The following EVI5 variants were observed in gnomAD, a reference collection of about 807,000 sequenced individuals.
EVI5 encodes the protein ecotropic viral integration site 5.
Under a neutral mutation model 112.0 loss-of-function variants are expected in EVI5, and 73 were observed. The observed-to-expected ratio is 0.65, with a 90% CI of 0.54 to 0.79. The LOEUF (loss-of-function observed/expected upper bound fraction) is 0.79. Among genes scored for constraint, EVI5 ranks in the 30% least tolerant of loss-of-function variants. The probability of loss-of-function intolerance (pLI) is 0.00; values close to 1 mark genes in which losing one functional copy is unlikely to be tolerated. For missense variants in EVI5, 900 were observed against 968.8 expected (o/e 0.93, Z 0.94); for synonymous variants, 305 against 319.9 (o/e 0.95, Z 0.50).
At chr1:92,634,029 A>C (rs1308397787) in intron 14 of EVI5, among the ~76,000 whole-genome samples, 1 of 152,022 alleles carries the variant, frequency 6.6e-6, no homozygotes, top group African/African-American at 2.4e-5. Context: ...TCTGGCTTGT[A>C]GTTTCTGCTG....
chr1:92,643,485 C>T (rs150227527), intron 13 of EVI5, among the ~76,000 whole-genome samples: 4 of 151,682 alleles, frequency 2.6e-5, no homozygotes, highest in Admixed American at 6.6e-5. Flanking sequence ...CCTGCTGTGT[C>T]GCTGGTCTTG....
chr1:92,523,824 G>A (rs1280398245), intron 19 of EVI5, among the ~76,000 whole-genome samples: 4 of 152,044 alleles, frequency 2.6e-5, no homozygotes, highest in South Asian at 2.1e-4. Context: ...GGTGACTTAC[G>A]CTTGTAATCC....
At chr1:92,697,031 C>T (rs1670440705) in intron 6 of EVI5, among the ~76,000 whole-genome samples, 1 of 152,032 alleles carries the variant, frequency 6.6e-6, no homozygotes, top group African/African-American at 2.4e-5. Flanking sequence ...CAGAGCGAGA[C>T]TCCATCTCAA....
At chr1:92,719,985 T>G (rs1023189515) in intron 2 of EVI5, among the ~76,000 whole-genome samples, 2 of 152,000 alleles carry the variant, frequency 1.3e-5, no homozygotes, top group Non-Finnish European at 2.9e-5. Context: ...GAAGGACCTC[T>G]TCAAGGAGAA....
chr1:92,655,365 A>T (rs927956631), intron 13 of EVI5, among the ~76,000 whole-genome samples: 1 of 152,080 alleles, frequency 6.6e-6, no homozygotes, highest in Non-Finnish European at 1.5e-5. Context: ...GTCAACCATG[A>T]ATTTTTTATC....
chr1:92,605,395 TCCTTATTCTAGTGTGGTAAACCAAA>T lies in EVI5; in HGVS notation c.1975-18_1981del, dbSNP rs1380803524. ...CCGAAGCCTCACAGCCATCACTTCT[TCCTTATTCTAGTGTGGTAAACCAAA>T]CCGAAACAAAATAAACCAGGTGTGT... On this transcript the variant is annotated splice_acceptor_variant and splice_polypyrimidine_tract_variant and coding_sequence_variant and intron_variant, in exon 18 of 20. Transcript: ENST00000684568. LOFTEE classifies it high-confidence loss of function. 1 of 1,610,188 alleles carries T rather than the reference TCCTTATTCTAGTGTGGTAAACCAAA, an allele frequency of 6.2e-7. No individual in the cohort carries two copies. Among genetic ancestry groups the T allele is most frequent in the South Asian group, 1.1e-5 (1 of 91,006 alleles).
intron 19 of EVI5, among the ~76,000 whole-genome samples, chr1:92,556,610 A>G (rs575309576): frequency 5.9e-5 from 9 of 152,146 alleles, no homozygotes; most frequent in Admixed American, 2.6e-4. Flanking sequence ...GACTTAATGT[A>G]TTGTCATCTG....
At chr1:92,784,779 C>T in intron 1 of EVI5, 57 bp downstream of exon 1, 1 of 977,384 alleles carries the variant, frequency 1.0e-6, no homozygotes, top group Non-Finnish European at 1.2e-6. Context: ...CAGCGGAACA[C>T]GGACTCACCG....
At chr1:92,681,912 A>G (rs1484549360) in intron 9 of EVI5, among the ~76,000 whole-genome samples, 1 of 152,100 alleles carries the variant, frequency 6.6e-6, no homozygotes, top group Non-Finnish European at 1.5e-5. Flanking sequence ...GCACCCTACC[A>G]TGTTTCTGAC....
chr1:92,639,961 C>T (rs558886780), intron 13 of EVI5, among the ~76,000 whole-genome samples: 66 of 152,212 alleles, frequency 4.3e-4, no homozygotes, highest in South Asian at 8.3e-4. Flanking sequence ...GAAATAACAC[C>T]GTACTTCTAC....
At chr1:92,615,715 G>C (rs1652965752) in intron 16 of EVI5, among the ~76,000 whole-genome samples, 1 of 152,112 alleles carries the variant, frequency 6.6e-6, no homozygotes, top group African/African-American at 2.4e-5. Flanking sequence ...GCAGTTGCCA[G>C]GGAAGATAAT....
At chr1:92,514,298 C>T (rs563234518) in intron 19 of EVI5, among the ~76,000 whole-genome samples, 11 of 152,048 alleles carry the variant, frequency 7.2e-5, no homozygotes, top group African/African-American at 2.2e-4. Context: ...GGACTACAGG[C>T]GTGTGTCACC....
intron 18 of EVI5, among the ~76,000 whole-genome samples, chr1:92,591,709 A>C (rs1673940796): frequency 6.6e-6 from 1 of 152,178 alleles, no homozygotes; most frequent in South Asian, 2.1e-4. Flanking sequence ...TCGAGACAGA[A>C]AGTTAACAAG....
chr1:92,609,912 G>C (rs984478317), intron 16 of EVI5, among the ~76,000 whole-genome samples: 1 of 150,566 alleles, frequency 6.6e-6, no homozygotes, highest in African/African-American at 2.4e-5. Context: ...TCTCACAGGA[G>C]CTTGCTCTGT....
At chr1:92,602,824 A>T (rs1033071047) in intron 18 of EVI5, among the ~76,000 whole-genome samples, 1 of 152,332 alleles carries the variant, frequency 6.6e-6, no homozygotes, top group Non-Finnish European at 1.5e-5. Context: ...CCACCAAAAA[A>T]AACAAAACAA....
At chr1:92,525,769 A>G (rs1407235216) in intron 19 of EVI5, among the ~76,000 whole-genome samples, 3 of 152,246 alleles carry the variant, frequency 2.0e-5, no homozygotes, top group Admixed American at 1.3e-4. Context: ...TTATTATACC[A>G]TCAGTTTACT....
At chr1:92,762,930 C>G (rs746211070) in intron 1 of EVI5, among the ~76,000 whole-genome samples, 6 of 151,984 alleles carry the variant, frequency 3.9e-5, no homozygotes, top group Non-Finnish European at 8.8e-5. Context: ...CACAATATAA[C>G]CATGTAGTGA....
chr1:92,630,383 C>T (rs1656740603), intron 14 of EVI5, among the ~76,000 whole-genome samples: 1 of 152,166 alleles, frequency 6.6e-6, no homozygotes, highest in Admixed American at 6.5e-5. Flanking sequence ...GATGGTATCT[C>T]ATTGTGGTTT....
At chr1:92,526,018 T>A (rs1661809502) in intron 19 of EVI5, among the ~76,000 whole-genome samples, 3 of 152,050 alleles carry the variant, frequency 2.0e-5, no homozygotes, top group African/African-American at 7.3e-5. Flanking sequence ...AGACTTTGAG[T>A]AGGGTTCTGG....
Sources: gnomAD v4.1 joint callset for allele counts (sites outside exome capture counted in the v4.1 genomes callset) on GRCh38, gnomAD v4.1.1 for gene constraint, MANE v1.5 for transcripts, NCBI Gene and HGNC (gene_info 2026-07-23, HGNC 2026-07-21) for gene names.